Variants in KLF3 observed in about 807,000 individuals in gnomAD.
KLF3 encodes the protein Krueppel-like factor 3.
KLF3 carries 6 observed loss-of-function variants against 32.7 expected under a neutral mutation model. The observed-to-expected ratio is 0.18, with a 90% CI of 0.10 to 0.36. The LOEUF is 0.36. KLF3 is among the 10% of genes least tolerant of loss of function. The pLI, the probability that KLF3 is intolerant of heterozygous loss-of-function variation, is 1.00. For missense variants in KLF3, 338 were observed against 449.7 expected, an observed-to-expected ratio of 0.75 and a Z score of 2.25; for synonymous variants, 145 against 172.8, an observed-to-expected ratio of 0.84 and a Z score of 1.26.
rs372172237 is a variant in KLF3 at position 38,688,909 on chromosome 4, G to A, written c.382G>A (p.Ala128Thr). Residue 128 changes from alanine (A) to threonine (T), a missense_variant, in exon 3 of 6, where the codon GCA (alanine) becomes ACA (threonine). By Grantham distance (58) the Ala-to-Thr change is moderately conservative. Transcript: ENST00000261438. This position sits in a 1 kb window ranked among gnomAD's most constrained non-coding sequence, Gnocchi z 4.9. Reference protein sequence around the residue: ...GVPLSMPPVMAAALSRHGIRS... With the variant: ...GVPLSMPPVMTAALSRHGIRS... The stretch of plus-strand genomic sequence containing the variant: ...GCCGCTGTCCATGCCACCAGTGATG[G>A]CAGCTGCCCTCTCGCGGCATGGAAT... The A allele has an allele frequency of 1.3e-5, 21 of 1,614,102 alleles. No individual in the cohort carries two copies. The highest frequency in any genetic ancestry group is 1.8e-5 in the Non-Finnish European group (21 of 1,180,058).
chr4:38,690,799 A>G (rs1229031131), intron 4 of KLF3: 1 of 152,258 alleles, frequency 6.6e-6, no homozygotes, highest in Non-Finnish European at 1.5e-5. Flanking sequence ...CCCTCTCACA[A>G]TTAACTCTAC....
rs1368285992 is a variant in KLF3, at chr4:38,700,856, T to A, written c.*3593T>A. ...GATACTGAAACATTTTGGTAATCTT[T>A]CTTACTAAAGATGTGAATGTTTAAT... On this transcript the variant is annotated 3_prime_UTR_variant, in exon 6 of 6. Transcript: ENST00000261438. 1 of 152,244 alleles carries A rather than the reference T, an allele frequency of 6.6e-6. No homozygotes were observed. The highest frequency in any genetic ancestry group is 1.9e-4 in the East Asian group (1 of 5,202). The allele number at this position is 152,244 out of a possible 1,614,324, so 9.4% of individuals were successfully genotyped here. A position where few individuals can be genotyped will look rare whatever the true frequency, so the allele number is the denominator to read the frequency against.
At chr4:38,672,946 G>A (rs979466771) in intron 1 of KLF3, among the ~76,000 whole-genome samples, 2 of 152,156 alleles carry the variant, frequency 1.3e-5, no homozygotes, top group Admixed American at 1.3e-4. Flanking sequence ...TAAGGCCAAT[G>A]GGAGGCGGGG....
At chr4:38,672,666 T>G (rs1722233040) in intron 1 of KLF3, among the ~76,000 whole-genome samples, 1 of 151,780 alleles carries the variant, frequency 6.6e-6, no homozygotes, top group Non-Finnish European at 1.5e-5. Context: ...CAAGCATGGG[T>G]GCCTGAGCCC....
At chr4:38,690,056 A>G (rs533721740) in intron 4 of KLF3, 177 bp downstream of exon 4, 2 of 518,520 alleles carry the variant, frequency 3.9e-6, no homozygotes, top group South Asian at 3.7e-5. Flanking sequence ...TCCAAAAACA[A>G]TATGCTGTTA....
chr4:38,689,837 C>A lies in KLF3; in HGVS notation c.653C>A (p.Pro218His). The A allele has an allele frequency of 7.7e-7, 1 of 1,303,470 alleles. No individual in the cohort carries two copies. The highest frequency in any genetic ancestry group is 1.0e-6 in the Non-Finnish European group (1 of 960,176). 80.7% of individuals were successfully genotyped at this position (1,303,470 alleles called of 1,614,324 possible). ...TDYYPEEMSP[P>H]LMNSVSPPQA... ...TATTATCCTGAAGAAATGTCACCCC[C>A]CTTAATGAACTCAGTGTCCCCCCCG... The change falls in exon 4 of 6, where the codon CCC (proline) becomes CAC (histidine). Residue 218 changes from proline (P) to histidine (H), a missense_variant. This residue lies in a region of KLF3 where 272 missense variants were observed against 313.4 expected (regional missense o/e 0.87). Coordinates refer to ENST00000261438, the MANE Select transcript of KLF3 (RefSeq NM_016531.6).
In KLF3 at chr4:38,688,319, T is replaced by C. The variant is rs776327767; in HGVS notation, c.58-266T>C. 1.4e-4 allele frequency among the ~76,000 whole-genome samples: 21 copies of C among 152,174 alleles called. No individual in the cohort carries two copies. The highest frequency in any genetic ancestry group is 3.1e-4 in the Non-Finnish European group (21 of 68,022). ...TTAATGTTTGACACAGGAATCATCT[T>C]AGGATTAAATTTCAGATTTTTCATC... On this transcript the variant is annotated intron_variant, in intron 2 of 5. Transcript: ENST00000261438. This position sits in a 1 kb window ranked among gnomAD's most constrained non-coding sequence, Gnocchi z 4.9.
chr4:38,681,898 G>A (rs1242426611), intron 2 of KLF3, among the ~76,000 whole-genome samples: 1 of 152,158 alleles, frequency 6.6e-6, no homozygotes, highest in African/African-American at 2.4e-5. Context: ...GAGCTGAGTT[G>A]CCATGGATAT....
At chr4:38,695,043 G>A (rs1723007937) in intron 5 of KLF3, 137 bp downstream of exon 5, 1 of 750,228 alleles carries the variant, frequency 1.3e-6, no homozygotes, top group African/African-American at 1.9e-5. Context: ...CTCCAGATTA[G>A]TTGTGCAGAA....
chr4:38,691,195 A>G (rs980522549), intron 4 of KLF3, among the ~76,000 whole-genome samples: 1 of 152,212 alleles, frequency 6.6e-6, no homozygotes, highest in Admixed American at 6.5e-5. Context: ...GAGACATTAG[A>G]TAACTCGCCA....
chr4:38,692,656 T>C (rs1261799998), intron 4 of KLF3, among the ~76,000 whole-genome samples: 1 of 152,124 alleles, frequency 6.6e-6, no homozygotes, highest in Non-Finnish European at 1.5e-5. Flanking sequence ...AGAGCTGGAT[T>C]TGTAACTGGA....
intron 2 of KLF3, among the ~76,000 whole-genome samples, chr4:38,681,782 G>A (rs1290605114): frequency 3.3e-5 from 5 of 152,216 alleles, no homozygotes; most frequent in Non-Finnish European, 7.3e-5. Flanking sequence ...GTATCTGAAG[G>A]TTGGTAATGA....
At chr4:38,678,751 G>T (rs573212810) in intron 1 of KLF3, among the ~76,000 whole-genome samples, 3 of 152,250 alleles carry the variant, frequency 2.0e-5, no homozygotes, top group Non-Finnish European at 4.4e-5. Context: ...TGAAATACAA[G>T]AAGGAATCCA....
At position 38,689,745 on chromosome 4, in the gene KLF3, A is replaced by G. The variant is rs748441499; in HGVS notation, c.561A>G (p.Ser187=). Residue 187 remains serine, a synonymous_variant, in exon 4 of 6, where the codon TCA becomes TCG. Coordinates refer to ENST00000261438, the MANE Select transcript of KLF3 (RefSeq NM_016531.6). ...SSSMQVPVIE[S]YEKPISQKKI... The stretch of plus-strand genomic sequence containing the variant: ...ATTTTTTAGTACCTGTAATTGAATC[A>G]TATGAGAAGCCTATATCACAGAAAA... The G allele has an allele frequency of 3.3e-5, 52 of 1,587,418 alleles. No homozygotes were observed. The highest frequency in any genetic ancestry group is 4.1e-5 in the African/African-American group (3 of 72,980).
chr4:38,688,796 G>C lies in KLF3; in HGVS notation c.269G>C (p.Arg90Thr), dbSNP rs1221557465. ...CTGAAGTTCCCGTCCTCACACCGGA[G>C]AGCCTCGCCTGGGTTGAGCATGCCT... ...SSLKFPSSHR[R>T]ASPGLSMPSS... The change falls in exon 3 of 6, where the codon AGA becomes ACA. Residue 90 changes from arginine to threonine, a missense_variant. Arg to Thr is a moderately conservative substitution (Grantham distance 71). Coordinates refer to ENST00000261438, the MANE Select transcript of KLF3 (RefSeq NM_016531.6). This position sits in a 1 kb window ranked among gnomAD's most constrained non-coding sequence, Gnocchi z 4.9. The C allele has an allele frequency of 6.2e-7, 1 of 1,614,210 alleles. No homozygotes were observed. The highest frequency in any genetic ancestry group is 8.5e-7 in the Non-Finnish European group (1 of 1,180,044).
chr4:38,678,772 T>C (rs1312731998), intron 1 of KLF3, among the ~76,000 whole-genome samples: 1 of 152,160 alleles, frequency 6.6e-6, no homozygotes, highest in African/African-American at 2.4e-5. Context: ...GAACCCGGGA[T>C]TCCTGCAGCT....
chr4:38,665,317 G>A (rs1211644282), intron 1 of KLF3, among the ~76,000 whole-genome samples: 1 of 152,114 alleles, frequency 6.6e-6, no homozygotes, highest in Non-Finnish European at 1.5e-5. Context: ...GGGGACCCAG[G>A]GACAGATCCC....
chr4:38,687,694 G>A (rs76612565), intron 2 of KLF3, among the ~76,000 whole-genome samples: 5,986 of 152,260 alleles, frequency 0.039, 155 homozygotes, highest in South Asian at 0.088. Context: ...TTCCTTATGT[G>A]AGTCATATCA....
intron 1 of KLF3, among the ~76,000 whole-genome samples, chr4:38,673,788 T>G (rs887277924): frequency 2.6e-5 from 4 of 152,094 alleles, no homozygotes. Flanking sequence ...ATTGCTTCAC[T>G]TGGTCTTTCC....
Sources: allele counts gnomAD v4.1 joint callset (sites outside exome capture counted in the v4.1 genomes callset), GRCh38; gene constraint gnomAD v4.1.1; regional missense constraint gnomAD v4.1.1; non-coding constraint Gnocchi (gnomAD v3.1); transcripts MANE v1.5; gene names NCBI Gene and HGNC (gene_info 2026-07-23, HGNC 2026-07-21).